The following STK3 variants were observed in gnomAD, a reference collection of about 807,000 sequenced individuals.
STK3 encodes serine/threonine kinase 3, also known as serine/threonine-protein kinase 3.
A neutral mutation model predicts 58.0 loss-of-function variants in STK3; 41 were observed. The ratio of observed to expected loss-of-function variants is 0.71; its 90% confidence interval spans 0.55 to 0.92. The LOEUF is 0.92. Among genes scored for constraint, STK3 ranks in the 40% least tolerant of loss-of-function variants. The pLI is 0.00. For missense variants in STK3, 479 were observed against 602.7 expected, an observed-to-expected ratio of 0.79 and a Z score of 2.15; for synonymous variants, 170 against 191.0, an observed-to-expected ratio of 0.89 and a Z score of 0.91.
intron 3 of STK3, among the ~76,000 whole-genome samples, chr8:98,752,196 T>C (rs894294706): frequency 3.9e-5 from 6 of 152,012 alleles, no homozygotes; most frequent in African/African-American, 7.2e-5. Context: ...GACTTCAAAA[T>C]ACACTACAGG....
chr8:98,722,910 C>T (rs779485235), intron 4 of STK3: 10 of 505,846 alleles, frequency 2.0e-5, no homozygotes, highest in African/African-American at 7.8e-5. Context: ...GATGGAAAAG[C>T]GTTAGATCCA....
At chr8:98,458,665 C>T (rs1031075632) in intron 10 of STK3, among the ~76,000 whole-genome samples, 4 of 152,274 alleles carry the variant, frequency 2.6e-5, no homozygotes, top group African/African-American at 7.2e-5. Flanking sequence ...GTGATTGGAT[C>T]ATGGGGGCAG....
At chr8:98,513,025 CTAAAA>C (rs1041653442) in intron 10 of STK3, among the ~76,000 whole-genome samples, 2 of 152,098 alleles carry the variant, frequency 1.3e-5, no homozygotes, top group African/African-American at 2.4e-5. Flanking sequence ...AAAAAATAAA[CTAAAA>C]TATTTCTGTA....
the STK3 span, among the ~76,000 whole-genome samples, chr8:98,347,316 C>T: frequency 6.6e-6 from 1 of 151,786 alleles, no homozygotes; most frequent in Non-Finnish European, 1.5e-5. Context: ...AGATCAAGAC[C>T]ATCCTGCCTA....
At chr8:98,861,158 C>A (rs1272917606) in intron 3 of STK3, among the ~76,000 whole-genome samples, 2 of 151,982 alleles carry the variant, frequency 1.3e-5, no homozygotes, top group Non-Finnish European at 2.9e-5. Flanking sequence ...CTGTCCAGGG[C>A]TGGGACAGGG....
At chr8:98,817,913 A>G (rs890686691) in intron 1 of STK3, among the ~76,000 whole-genome samples, 4 of 151,900 alleles carry the variant, frequency 2.6e-5, no homozygotes, top group African/African-American at 9.7e-5. Flanking sequence ...TAATGACAGC[A>G]CACAGAGCTC....
intron 10 of STK3, among the ~76,000 whole-genome samples, chr8:98,515,072 A>T (rs1346649354): frequency 6.6e-6 from 1 of 151,822 alleles, no homozygotes; most frequent in Non-Finnish European, 1.5e-5. Context: ...TTGAATGTAG[A>T]CTCTCTTCTC....
chr8:98,464,233 T>TAAA (rs1820242582), intron 10 of STK3, among the ~76,000 whole-genome samples: 1 of 152,178 alleles, frequency 6.6e-6, no homozygotes, highest in Admixed American at 6.5e-5. Context: ...ATAGCATTTT[T>TAAA]AAGATTTACC....
rs752763134 is a variant in STK3, at chr8:98,428,765, T to C, written n.483+5362A>G. 7 of 1,614,172 alleles carry C rather than the reference T, an allele frequency of 4.3e-6. No individual in the cohort carries two copies. In the Admixed American group the frequency reaches 6.7e-5, roughly 15 times the overall value. Reference sequence around the variant, plus strand: ...AGTTCTTCAAGAATGCCCTAAACCTTATTGACCTCATGTCCATCGTCCCCT... The same window carrying C: ...AGTTCTTCAAGAATGCCCTAAACCTCATTGACCTCATGTCCATCGTCCCCT... On this transcript the variant is annotated intron_variant and non_coding_transcript_variant, in intron 3 of 3. Coordinates refer to the STK3 transcript ENST00000517832. The surrounding 1 kb of genome is among the most constrained non-coding windows in gnomAD (Gnocchi z 6.7).
intron 7 of STK3, among the ~76,000 whole-genome samples, chr8:98,586,429 G>C (rs992599905): frequency 6.6e-6 from 1 of 150,718 alleles, no homozygotes; most frequent in Admixed American, 6.6e-5. Flanking sequence ...AACCAGCCTT[G>C]CATCCCAGGG....
chr8:98,500,767 C>G (rs971442734), intron 10 of STK3, among the ~76,000 whole-genome samples: 1 of 152,146 alleles, frequency 6.6e-6, no homozygotes, highest in African/African-American at 2.4e-5. Flanking sequence ...GCATAGTATT[C>G]CATGGTGTAT....
At chr8:98,353,975 C>A in the STK3 span, among the ~76,000 whole-genome samples, 17 of 152,106 alleles carry the variant, frequency 1.1e-4, no homozygotes, top group African/African-American at 4.1e-4. Flanking sequence ...AAAAAGAACT[C>A]ATAGAGCTGT....
rs140038041 is a variant in STK3, at chr8:98,650,347, G to A, written c.685-54178C>T. Among the ~76,000 whole-genome samples the A allele has an allele frequency of 2.9e-4, 44 of 152,254 alleles. No homozygotes were observed. The East Asian group carries it at 5.0e-3, about 17-fold the overall frequency. The stretch of plus-strand genomic sequence containing the variant: ...TTAAAATGTTTACTTTTGAAGAATG[G>A]CCCGGAGGGCAGCCAAGATGACCGA... On this transcript the variant is annotated intron_variant, in intron 6 of 10. Transcript: ENST00000419617.
Position 98,610,194 on chromosome 8 carries a change from G to GA in STK3, c.685-14026dup, listed in dbSNP as rs35430518. Reference sequence around the variant, plus strand: ...GAATGTACCAAAATGTTTCAAAACAGAAAAAAAAAAACCATATGATTACAA... The same window carrying GA: ...GAATGTACCAAAATGTTTCAAAACAGAAAAAAAAAAAACCATATGATTACAA... On this transcript the variant is annotated intron_variant, in intron 6 of 10. Coordinates refer to ENST00000419617, the MANE Select transcript of STK3 (RefSeq NM_006281.4). Among the ~76,000 whole-genome samples, 1,258 of 145,996 alleles carry GA rather than the reference G, an allele frequency of 8.6e-3. 12 individuals carry two copies. Among genetic ancestry groups the GA allele is most frequent in the Non-Finnish European group, 0.011 (691 of 65,458 alleles).
chr8:98,453,029 GGGAT>G (rs1393122858), downstream of STK3, among the ~76,000 whole-genome samples: 1 of 109,214 alleles, frequency 9.2e-6, no homozygotes, highest in Non-Finnish European at 1.9e-5. Context: ...CCAAAGTGCT[GGGAT>G]TACAGGCATG....
intron 1 of STK3, among the ~76,000 whole-genome samples, chr8:98,779,301 AT>A (rs972414872): frequency 3.3e-5 from 5 of 151,964 alleles, no homozygotes; most frequent in Non-Finnish European, 5.9e-5. Context: ...CCCTGAACAT[AT>A]TTTTTTTCCA....
chr8:98,684,677 T>A (rs1823864073), intron 6 of STK3, among the ~76,000 whole-genome samples: 1 of 152,150 alleles, frequency 6.6e-6, no homozygotes. Flanking sequence ...CAAAATTGAT[T>A]CAAGCCTCAC....
intron 6 of STK3, among the ~76,000 whole-genome samples, chr8:98,701,091 C>G (rs1290407088): frequency 1.3e-5 from 2 of 150,732 alleles, no homozygotes; most frequent in Non-Finnish European, 3.0e-5. Flanking sequence ...ATTGCTTGAG[C>G]CTGGGAGGTT....
intron 9 of STK3, among the ~76,000 whole-genome samples, chr8:98,529,230 C>T: frequency 6.6e-6 from 1 of 151,812 alleles, no homozygotes; most frequent in Non-Finnish European, 1.5e-5. Flanking sequence ...TCGATGCCTA[C>T]TTTATGTGGC....
Sources: gnomAD v4.1 joint callset for allele counts (sites outside exome capture counted in the v4.1 genomes callset) on GRCh38, gnomAD v4.1.1 for gene constraint, Gnocchi (gnomAD v3.1) non-coding constraint, MANE v1.5 for transcripts, NCBI Gene and HGNC (gene_info 2026-07-23, HGNC 2026-07-21) for gene names.